MAN1C1: variants seen among roughly 807,000 people sequenced by gnomAD.
MAN1C1 encodes mannosidase alpha class 1C member 1.
A neutral mutation model predicts 71.5 loss-of-function variants in MAN1C1; 49 were observed. The ratio of observed to expected loss-of-function variants is 0.69; its 90% CI spans 0.54 to 0.87. The LOEUF is 0.87. Among genes scored for constraint, MAN1C1 ranks in the 40% least tolerant of loss-of-function variants. The pLI is 0.00. For missense variants in MAN1C1, 743 were observed against 835.0 expected (o/e 0.89, Z 1.36); for synonymous variants, 352 against 343.7 (o/e 1.02, Z -0.27).
Position 25,746,732 on chromosome 1 carries a change from G to A in MAN1C1, c.702G>A (p.Glu234=). Residue 234 remains glutamate (E), a synonymous_variant, in exon 3 of 12, where the codon GAG becomes GAA. Coordinates refer to ENST00000374332, the MANE Select transcript of MAN1C1 (RefSeq NM_020379.4). The surrounding 1 kb of genome is among the most constrained non-coding windows in gnomAD (Gnocchi z 4.0). ...CCCTCTACCTCATGGAGCTGAAGGAGGAGTTCCAGGAGGCCAAGGCCTGGG... is the reference window on the plus strand; with the variant it reads ...CCCTCTACCTCATGGAGCTGAAGGAAGAGTTCCAGGAGGCCAAGGCCTGGG... The part of the protein sequence containing the change: ...LDTLYLMELK[E]EFQEAKAWVG... 1 of 1,613,948 alleles carries A rather than the reference G, an allele frequency of 6.2e-7. No individual in the cohort carries two copies. Among genetic ancestry groups the A allele is most frequent in the Non-Finnish European group, 8.5e-7 (1 of 1,179,924 alleles).
rs2045372854 is a variant in MAN1C1 at position 25,631,108 on chromosome 1, G to A, written c.540+12771G>A. ...GCCTCCTGAGCAGCTGGGATTACAGGCATGTACCACCACGCCTGGTTAATT... is the reference window on the plus strand; with the variant it reads ...GCCTCCTGAGCAGCTGGGATTACAGACATGTACCACCACGCCTGGTTAATT... On this transcript the variant is annotated intron_variant, in intron 1 of 11. Transcript: ENST00000374332. The surrounding 1 kb of genome is among the most constrained non-coding windows in gnomAD (Gnocchi z 4.2). 1.3e-5 allele frequency among the ~76,000 whole-genome samples: 2 copies of A among 152,166 alleles called. No homozygotes were observed. The highest frequency in any genetic ancestry group is 2.4e-5 in the African/African-American group (1 of 41,434).
rs773005073 is a variant in MAN1C1 at position 25,746,634 on chromosome 1, C to T, written c.638-34C>T. On this transcript the variant is annotated intron_variant, in intron 2 of 11. Coordinates refer to ENST00000374332, the MANE Select transcript of MAN1C1 (RefSeq NM_020379.4). This position sits in a 1 kb window ranked among gnomAD's most constrained non-coding sequence, Gnocchi z 4.0. Reference sequence around the variant, plus strand: ...CAGTTGGGGAAAAGAGAAAGATGGCCCTGGGTCACACCCTCAATGCTCTGT... The same window carrying T: ...CAGTTGGGGAAAAGAGAAAGATGGCTCTGGGTCACACCCTCAATGCTCTGT... 3.3e-6 allele frequency: 5 copies of T among 1,510,922 alleles called. No individual in the cohort carries two copies. In the East Asian group the frequency reaches 9.1e-5, roughly 28 times the overall value. 93.6% of individuals were successfully genotyped at this position (1,510,922 alleles called of 1,614,324 possible).
At chr1:25,688,029 CTG>C (rs2046258869) in intron 2 of MAN1C1, among the ~76,000 whole-genome samples, 1 of 152,006 alleles carries the variant, frequency 6.6e-6, no homozygotes, top group Non-Finnish European at 1.5e-5. Context: ...TTAACGGTGT[CTG>C]TGATTGTATG....
At chr1:25,748,639 G>A (rs942941774) in intron 3 of MAN1C1, among the ~76,000 whole-genome samples, 3 of 152,340 alleles carry the variant, frequency 2.0e-5, no homozygotes, top group Middle Eastern at 3.4e-3. Context: ...CTGGCATGAT[G>A]CTCCAGCACC....
intron 1 of MAN1C1, among the ~76,000 whole-genome samples, chr1:25,685,406 G>C (rs982232675): frequency 6.6e-6 from 1 of 152,160 alleles, no homozygotes; most frequent in Admixed American, 6.5e-5. Flanking sequence ...TCTGCTCCAC[G>C]GGTCACCCCA....
chr1:25,768,248 C>CA, intron 7 of MAN1C1, among the ~76,000 whole-genome samples: 1 of 91,496 alleles, frequency 1.1e-5, no homozygotes, highest in Non-Finnish European at 2.3e-5. Context: ...TCACACACAT[C>CA]CACACTCCCC....
At chr1:25,706,401 T>C (rs1315955113) in intron 2 of MAN1C1, among the ~76,000 whole-genome samples, 1 of 152,218 alleles carries the variant, frequency 6.6e-6, no homozygotes, top group African/African-American at 2.4e-5. Context: ...GACGGGAACA[T>C]GTGGCCACTG....
chr1:25,635,374 T>G (rs1305544076), intron 1 of MAN1C1, among the ~76,000 whole-genome samples: 1 of 152,036 alleles, frequency 6.6e-6, no homozygotes, highest in Admixed American at 6.6e-5. Context: ...GTCTATTTCA[T>G]CTAAGTTGTA....
chr1:25,749,207 C>A (rs2047178444), intron 3 of MAN1C1, 48 bp from the exon 4 acceptor site: 2 of 1,514,204 alleles, frequency 1.3e-6, no homozygotes, highest in Admixed American at 1.8e-5. Flanking sequence ...CAAGGGCCTG[C>A]ATCTTACAAG....
At chr1:25,742,795 C>A (rs745520995) in intron 2 of MAN1C1, among the ~76,000 whole-genome samples, 2 of 152,174 alleles carry the variant, frequency 1.3e-5, no homozygotes, top group Non-Finnish European at 2.9e-5. Context: ...CCAAAGCCAG[C>A]CTCTTAGCTA....
At chr1:25,675,453 A>G (rs2046050420) in intron 1 of MAN1C1, among the ~76,000 whole-genome samples, 1 of 152,072 alleles carries the variant, frequency 6.6e-6, no homozygotes, top group African/African-American at 2.4e-5. Context: ...TCCATGGTGT[A>G]TATATGCCAC....
chr1:25,655,979 G>T (rs1373876180), intron 1 of MAN1C1, among the ~76,000 whole-genome samples: 1 of 151,944 alleles, frequency 6.6e-6, no homozygotes, highest in Admixed American at 6.6e-5. Context: ...TGTGAGTGAG[G>T]GAGTGAGTAT....
rs3014693 is a variant in MAN1C1, at chr1:25,631,248, A to T, written c.540+12911A>T. ...CTCCCAAAGTGCTAGGATTACAGGC[A>T]TGAGCCACCGCACCCAGCCCAGTGC... On this transcript the variant is annotated intron_variant, in intron 1 of 11. Transcript: ENST00000374332. The surrounding 1 kb of genome is among the most constrained non-coding windows in gnomAD (Gnocchi z 4.2). Among the ~76,000 whole-genome samples, 3 of 152,004 alleles carry T rather than the reference A, an allele frequency of 2.0e-5. No individual in the cohort carries two copies. The highest frequency in any genetic ancestry group is 7.3e-5 in the African/African-American group (3 of 41,372).
chr1:25,722,191 TG>T (rs1178299677), intron 2 of MAN1C1, among the ~76,000 whole-genome samples: 26 of 152,246 alleles, frequency 1.7e-4, no homozygotes, highest in Admixed American at 5.2e-4. Context: ...GTCTTTTCCC[TG>T]GAAGCTTATA....
At chr1:25,675,736 A>T (rs988970047) in intron 1 of MAN1C1, among the ~76,000 whole-genome samples, 1 of 152,306 alleles carries the variant, frequency 6.6e-6, no homozygotes, top group East Asian at 1.9e-4. Context: ...ACTTTTCACC[A>T]CATCCATGCC....
intron 1 of MAN1C1, among the ~76,000 whole-genome samples, chr1:25,636,557 T>G (rs1484386763): frequency 1.3e-5 from 2 of 152,152 alleles, no homozygotes; most frequent in Non-Finnish European, 2.9e-5. Flanking sequence ...GACCTTATGG[T>G]TGTCTTCCCT....
At chr1:25,716,882 C>G (rs2046688356) in intron 2 of MAN1C1, among the ~76,000 whole-genome samples, 2 of 152,224 alleles carry the variant, frequency 1.3e-5, no homozygotes, top group South Asian at 2.1e-4. Flanking sequence ...TGCTGTCACT[C>G]TAAATTAGCC....
rs187124495 is a variant in MAN1C1 at position 25,704,454 on chromosome 1, G to T, written c.637+17918G>T. 2.1e-3 allele frequency among the ~76,000 whole-genome samples: 313 copies of T among 150,944 alleles called. 1 individual carries two copies. Among genetic ancestry groups the T allele is most frequent in the Non-Finnish European group, 3.6e-3 (241 of 67,872 alleles). On this transcript the variant is annotated intron_variant, in intron 2 of 11. Transcript: ENST00000374332. ...GTGGCTCCCAATGTGGAGATAAGAG[G>T]GAAGCAGTAGCGACATCTGGGCATC...
chr1:25,679,290 A>G (rs925814733), intron 1 of MAN1C1, among the ~76,000 whole-genome samples: 1 of 152,196 alleles, frequency 6.6e-6, no homozygotes, highest in East Asian at 1.9e-4. Flanking sequence ...GCATGCTAAT[A>G]TAATTATAAA....
Sources: gnomAD v4.1 joint callset for allele counts (sites outside exome capture counted in the v4.1 genomes callset) on GRCh38, gnomAD v4.1.1 for gene constraint, Gnocchi (gnomAD v3.1) non-coding constraint, MANE v1.5 for transcripts, NCBI Gene and HGNC (gene_info 2026-07-23, HGNC 2026-07-21) for gene names.